Variants in COP1 observed in about 807,000 individuals in gnomAD.
The protein encoded by COP1 is COP1 E3 ubiquitin ligase.
COP1 carries 24 observed loss-of-function variants against 101.3 expected under a neutral mutation model. The ratio of observed to expected loss-of-function variants is 0.24; its 90% CI spans 0.17 to 0.33. The LOEUF (loss-of-function observed/expected upper bound fraction) is 0.33, where lower values mean the gene tolerates loss of function less well. COP1 is among the 10% of genes least tolerant of loss of function. The pLI is 1.00. For synonymous variants in COP1, 347 were observed against 341.9 expected, an observed-to-expected ratio of 1.01 and a Z score of -0.17; for missense variants, 663 against 906.2, an observed-to-expected ratio of 0.73 and a Z score of 3.45.
chr1:175,985,345 TA>T (rs370987275), intron 18 of COP1, among the ~76,000 whole-genome samples: 1 of 152,112 alleles, frequency 6.6e-6, no homozygotes, highest in African/African-American at 2.4e-5. Flanking sequence ...GTTACAAAAC[TA>T]AAAAAAATAA....
chr1:176,009,805 A>G (rs1011986307), intron 15 of COP1, among the ~76,000 whole-genome samples: 12 of 145,932 alleles, frequency 8.2e-5, no homozygotes, highest in African/African-American at 3.1e-4. Context: ...GCATATGAAG[A>G]TGGTCTACAC....
At chr1:176,147,293 G>A (rs1019276705) in intron 6 of COP1, among the ~76,000 whole-genome samples, 1 of 152,008 alleles carries the variant, frequency 6.6e-6, no homozygotes, top group African/African-American at 2.4e-5. Context: ...CTAGACTAAA[G>A]CTTATTATAA....
chr1:176,067,206 T>G (rs1042281427), intron 11 of COP1, among the ~76,000 whole-genome samples: 2 of 152,016 alleles, frequency 1.3e-5, no homozygotes, highest in African/African-American at 2.4e-5. Flanking sequence ...AGGTACAAAT[T>G]GTAACAAACT....
intron 18 of COP1, among the ~76,000 whole-genome samples, chr1:175,980,046 T>C (rs1655438331): frequency 6.6e-6 from 1 of 152,188 alleles, no homozygotes; most frequent in Non-Finnish European, 1.5e-5. Context: ...AAACACTTTA[T>C]GTGCATCACC....
intron 18 of COP1, among the ~76,000 whole-genome samples, chr1:175,972,625 C>T (rs375393543): frequency 1.5e-4 from 23 of 151,882 alleles, no homozygotes; most frequent in East Asian, 5.8e-4. Flanking sequence ...CGGCCATGCC[C>T]GGCTAATTTT....
rs192390706 is a variant in COP1 at position 176,046,391 on chromosome 1, G to C, written c.1278-67C>G. On this transcript the variant is annotated intron_variant, in intron 11 of 19. Coordinates refer to ENST00000367669, the MANE Select transcript of COP1 (RefSeq NM_022457.7). ...CTATTTTCTATTTCTAAAGTAATTCGGTCTACAAGGATAAAAGATCTACTT... is the reference window on the plus strand; with the variant it reads ...CTATTTTCTATTTCTAAAGTAATTCCGTCTACAAGGATAAAAGATCTACTT... 2.0e-5 allele frequency: 29 copies of C among 1,444,106 alleles called. No homozygotes were observed. In the Admixed American group the frequency reaches 4.2e-4, roughly 21 times the overall value. 89.5% of individuals were successfully genotyped at this position (1,444,106 alleles called of 1,614,324 possible).
intron 6 of COP1, among the ~76,000 whole-genome samples, chr1:176,143,039 G>A (rs1048254740): frequency 6.7e-6 from 1 of 149,452 alleles, no homozygotes; most frequent in Admixed American, 6.7e-5. Context: ...AAACAGAGAG[G>A]AAAAACAAAG....
intron 14 of COP1, among the ~76,000 whole-genome samples, chr1:176,028,893 G>A (rs1445085506): frequency 6.6e-6 from 1 of 151,212 alleles, no homozygotes; most frequent in Non-Finnish European, 1.5e-5. Context: ...GGGTAGCTAG[G>A]TGTGTGTCAC....
intron 11 of COP1, among the ~76,000 whole-genome samples, chr1:176,068,698 T>C (rs1676452928): frequency 1.3e-5 from 2 of 152,334 alleles, no homozygotes; most frequent in South Asian, 4.1e-4. Flanking sequence ...CCAATCCTTC[T>C]AACTCCTGTT....
At chr1:176,188,248 A>G (rs1018438022) in intron 1 of COP1, among the ~76,000 whole-genome samples, 3 of 152,148 alleles carry the variant, frequency 2.0e-5, no homozygotes, top group South Asian at 2.1e-4. Flanking sequence ...CAAAAACTTT[A>G]AAGAATTCCT....
chr1:175,975,008 A>C (rs1654176361), intron 18 of COP1, among the ~76,000 whole-genome samples: 1 of 151,836 alleles, frequency 6.6e-6, no homozygotes, highest in Non-Finnish European at 1.5e-5. Context: ...CCAAAATCTC[A>C]TGCTCATTTT....
At chr1:176,091,903 A>C (rs899419354) in intron 9 of COP1, among the ~76,000 whole-genome samples, 4 of 152,192 alleles carry the variant, frequency 2.6e-5, no homozygotes, top group African/African-American at 9.6e-5. Context: ...GAAATACTTA[A>C]AACAGAGACA....
In COP1 at chr1:176,011,466, T is replaced by G. The variant is rs180901821; in HGVS notation, c.1729+16106A>C. ...ACTCTAAGTACTTAAGATGGTTATG[T>G]TCACATTCACTAATTATGTGAGTTA... On this transcript the variant is annotated intron_variant, in intron 15 of 19. Coordinates refer to ENST00000367669, the MANE Select transcript of COP1 (RefSeq NM_022457.7). Among the ~76,000 whole-genome samples, 13 of 152,322 alleles carry G rather than the reference T, an allele frequency of 8.5e-5. No homozygotes were observed. The East Asian group carries it at 2.5e-3, about 29-fold the overall frequency.
chr1:176,170,119 C>G (rs143953372), intron 3 of COP1, among the ~76,000 whole-genome samples: 123 of 152,344 alleles, frequency 8.1e-4, no homozygotes, highest in African/African-American at 2.9e-3. Flanking sequence ...TTCTAGCTCT[C>G]TGGCTACTTC....
intron 12 of COP1, 77 bp downstream of exon 12, chr1:176,046,104 T>C: frequency 2.5e-6 from 3 of 1,196,306 alleles, no homozygotes; most frequent in Non-Finnish European, 2.4e-6. Flanking sequence ...CATGCAAAGG[T>C]AAAATAATCT....
intron 2 of COP1, among the ~76,000 whole-genome samples, chr1:176,183,155 C>A (rs931025069): frequency 1.3e-5 from 2 of 152,086 alleles, no homozygotes; most frequent in African/African-American, 4.8e-5. Context: ...AGGGAATACA[C>A]CTATCACTAA....
At chr1:176,046,103 G>T (rs900555826) in intron 12 of COP1, 78 bp downstream of exon 12, 3 of 1,182,372 alleles carry the variant, frequency 2.5e-6, no homozygotes, top group African/African-American at 1.5e-5. Context: ...TCATGCAAAG[G>T]TAAAATAATC....
chr1:175,971,218 T>C (rs866999236), intron 18 of COP1, among the ~76,000 whole-genome samples: 7 of 152,210 alleles, frequency 4.6e-5, no homozygotes, highest in Admixed American at 2.0e-4. Context: ...GAAGGGTATT[T>C]TGTAGTAACT....
intron 11 of COP1, among the ~76,000 whole-genome samples, chr1:176,049,482 T>C (rs1485299598): frequency 6.6e-6 from 1 of 151,954 alleles, no homozygotes; most frequent in Non-Finnish European, 1.5e-5. Flanking sequence ...ACTGTAAAAA[T>C]AGATTTTAAT....
Sources: allele counts gnomAD v4.1 joint callset (sites outside exome capture counted in the v4.1 genomes callset), GRCh38; gene constraint gnomAD v4.1.1; transcripts MANE v1.5; gene names NCBI Gene and HGNC (gene_info 2026-07-23, HGNC 2026-07-21).